C8orf34: variants seen among roughly 807,000 people sequenced by gnomAD.
C8orf34 encodes the protein chromosome 8 open reading frame 34.
In C8orf34, 65 loss-of-function variants were observed where a neutral mutation model predicts 68.3. That is an observed-to-expected ratio of 0.95 (90% CI 0.78 to 1.17). The LOEUF is 1.17. Ranked by LOEUF, C8orf34 falls within the 50% of genes most tolerant of loss-of-function variation. The pLI is 0.00. For synonymous variants in C8orf34, 244 were observed against 241.2 expected (o/e 1.01, Z -0.11); for missense variants, 664 against 655.4 (o/e 1.01, Z -0.14).
chr8:68,746,134 T>A (rs1822483227), intron 10 of C8orf34, among the ~76,000 whole-genome samples: 3 of 152,190 alleles, frequency 2.0e-5, no homozygotes, highest in Admixed American at 2.0e-4. Context: ...CCTGAATGAC[T>A]ACTGGGTACA....
intron 10 of C8orf34, among the ~76,000 whole-genome samples, chr8:68,743,734 C>T (rs556251936): frequency 4.6e-4 from 70 of 152,344 alleles, no homozygotes; most frequent in Non-Finnish European, 6.6e-4. Flanking sequence ...GAGGGTCCTA[C>T]GCCCACGGAG....
chr8:68,340,075 T>G (rs1806008317), intron 1 of C8orf34, among the ~76,000 whole-genome samples: 2 of 152,080 alleles, frequency 1.3e-5, no homozygotes, highest in Admixed American at 6.5e-5. Context: ...TACCCATTTA[T>G]TAGAATGTCT....
intron 6 of C8orf34, among the ~76,000 whole-genome samples, chr8:68,529,427 A>G (rs981882766): frequency 6.6e-6 from 1 of 152,208 alleles, no homozygotes. Flanking sequence ...CGCAATCCGT[A>G]TCTGTAATTG....
chr8:68,789,475 CAT>C (rs1306423332), intron 12 of C8orf34, among the ~76,000 whole-genome samples: 2 of 152,182 alleles, frequency 1.3e-5, no homozygotes, highest in African/African-American at 2.4e-5. Context: ...GAGTAGAAAA[CAT>C]AGCCTAATCA....
intron 5 of C8orf34, among the ~76,000 whole-genome samples, chr8:68,512,241 ATACT>A (rs1274220375): frequency 6.6e-6 from 1 of 152,258 alleles, no homozygotes; most frequent in Non-Finnish European, 1.5e-5. Flanking sequence ...TTGATAGCAT[ATACT>A]TAGACAATAG....
At chr8:68,806,723 G>A (rs1301173574) in intron 12 of C8orf34, among the ~76,000 whole-genome samples, 1 of 152,156 alleles carries the variant, frequency 6.6e-6, no homozygotes, top group Non-Finnish European at 1.5e-5. Flanking sequence ...TATATGTTTG[G>A]TAGCTGTGGA....
intron 10 of C8orf34, among the ~76,000 whole-genome samples, chr8:68,769,945 G>T (rs1823291710): frequency 6.6e-6 from 1 of 152,102 alleles, no homozygotes; most frequent in Non-Finnish European, 1.5e-5. Context: ...TTTGAGTGAG[G>T]GGAGCCGGGG....
chr8:68,406,217 T>C (rs1809185939), intron 1 of C8orf34, among the ~76,000 whole-genome samples: 1 of 152,170 alleles, frequency 6.6e-6, no homozygotes, highest in Admixed American at 6.5e-5. Context: ...CTGGGGGCTT[T>C]GGTTTCAGTA....
intron 8 of C8orf34, among the ~76,000 whole-genome samples, chr8:68,650,611 C>G (rs1168765123): frequency 6.6e-6 from 1 of 151,684 alleles, no homozygotes; most frequent in African/African-American, 2.4e-5. Flanking sequence ...TCCCAAGTAG[C>G]TGGGACTACA....
Position 68,672,865 on chromosome 8 carries a change from C to G in C8orf34, c.1241+32354C>G, listed in dbSNP as rs999582152. Among the ~76,000 whole-genome samples, 3 of 152,232 alleles carry G rather than the reference C, an allele frequency of 2.0e-5. No individual in the cohort carries two copies. The East Asian group carries it at 5.8e-4, about 29-fold the overall frequency. On this transcript the variant is annotated intron_variant, in intron 8 of 13. Coordinates refer to ENST00000518698, the MANE Select transcript of C8orf34 (RefSeq NM_052958.4). ...CTTGCAGCTCTTGGAAAGACACCTC[C>G]CCTCCACTTGAGGAGAGAAGAGGGA...
intron 9 of C8orf34, among the ~76,000 whole-genome samples, chr8:68,716,846 G>C (rs1326179343): frequency 1.3e-5 from 2 of 151,944 alleles, no homozygotes; most frequent in African/African-American, 4.8e-5. Flanking sequence ...TTCATGGATA[G>C]GGAAATGGAT....
chr8:68,330,794 G>GAC (rs201054752), upstream of C8orf34: 63 of 439,946 alleles, frequency 1.4e-4, no homozygotes, highest in African/African-American at 4.0e-4. Context: ...CGCGCGCACG[G>GAC]ACACACACAC....
At chr8:68,707,338 C>T (rs1380106940) in intron 8 of C8orf34, among the ~76,000 whole-genome samples, 3 of 152,110 alleles carry the variant, frequency 2.0e-5, no homozygotes, top group Non-Finnish European at 4.4e-5. Flanking sequence ...CAATTTGTTG[C>T]GTTTTTAATC....
intron 5 of C8orf34, among the ~76,000 whole-genome samples, chr8:68,515,723 T>G (rs539215501): frequency 6.6e-6 from 1 of 152,238 alleles, no homozygotes; most frequent in Non-Finnish European, 1.5e-5. Flanking sequence ...TTTCACTGAA[T>G]GTAATATAAA....
At chr8:68,626,992 C>T (rs1818555294) in intron 7 of C8orf34, among the ~76,000 whole-genome samples, 2 of 151,756 alleles carry the variant, frequency 1.3e-5, no homozygotes, top group African/African-American at 4.8e-5. Context: ...TGGGAGAATT[C>T]GAATTGAATA....
chr8:68,796,011 G>T (rs1824168299), intron 12 of C8orf34, among the ~76,000 whole-genome samples: 1 of 152,196 alleles, frequency 6.6e-6, no homozygotes, highest in Non-Finnish European at 1.5e-5. Context: ...AATTGTCTGA[G>T]GGTGCCGCAT....
At chr8:68,581,658 A>G (rs1433743473) in intron 7 of C8orf34, among the ~76,000 whole-genome samples, 1 of 152,122 alleles carries the variant, frequency 6.6e-6, no homozygotes, top group African/African-American at 2.4e-5. Flanking sequence ...TTCTGCTATG[A>G]TCAGGAAGCA....
intron 1 of C8orf34, among the ~76,000 whole-genome samples, chr8:68,399,538 GTTT>G (rs1212938096): frequency 1.3e-5 from 2 of 151,988 alleles, no homozygotes; most frequent in African/African-American, 4.8e-5. Context: ...TACATATCAT[GTTT>G]TCTTTATTCA....
chr8:68,617,582 T>A (rs996492196), intron 7 of C8orf34, among the ~76,000 whole-genome samples: 1 of 152,200 alleles, frequency 6.6e-6, no homozygotes, highest in Non-Finnish European at 1.5e-5. Flanking sequence ...GGGTTGAAAA[T>A]TCTTTTCTTT....
Sources: allele counts gnomAD v4.1 joint callset (sites outside exome capture counted in the v4.1 genomes callset), GRCh38; gene constraint gnomAD v4.1.1; transcripts MANE v1.5; gene names NCBI Gene and HGNC (gene_info 2026-07-23, HGNC 2026-07-21).